ERBB4: variants seen among roughly 807,000 people sequenced by gnomAD.
ERBB4 encodes receptor tyrosine-protein kinase erbB-4.
ERBB4 carries 42 observed loss-of-function variants against 158.0 expected under a neutral mutation model. The ratio of observed to expected loss-of-function variants is 0.27; its 90% CI spans 0.21 to 0.34. The LOEUF (loss-of-function observed/expected upper bound fraction) is 0.34, where lower values mean the gene tolerates loss of function less well. Among genes scored for constraint, ERBB4 ranks in the 10% least tolerant of loss-of-function variants. The pLI is 1.00. For synonymous variants in ERBB4, 583 were observed against 558.7 expected (o/e 1.04, Z -0.61); for missense variants, 1,333 against 1,624.1 (o/e 0.82, Z 3.08).
chr2:212,074,443 T>C lies in ERBB4; in HGVS notation c.234+50309A>G, dbSNP rs544136248. ...AAGGGTAATTCTCAGGTTAATCCCA[T>C]ATTTATTTAACGTATTTAATAGAAG... On this transcript the variant is annotated intron_variant, in intron 2 of 27. Transcript: ENST00000342788. 2.6e-4 allele frequency among the ~76,000 whole-genome samples: 40 copies of C among 152,096 alleles called. No individual in the cohort carries two copies. In the South Asian group the frequency reaches 5.6e-3, roughly 21 times the overall value.
chr2:211,711,057 TACA>T (rs1290742644), intron 9 of ERBB4, among the ~76,000 whole-genome samples: 1 of 151,362 alleles, frequency 6.6e-6, no homozygotes, highest in Non-Finnish European at 1.5e-5. Context: ...TTAAGACAGA[TACA>T]ACAATTATGG....
chr2:212,470,974 T>C (rs771003168), intron 1 of ERBB4, among the ~76,000 whole-genome samples: 3 of 152,048 alleles, frequency 2.0e-5, no homozygotes, highest in Non-Finnish European at 4.4e-5. Context: ...CTAACCTAGA[T>C]GCTTTATAAA....
intron 3 of ERBB4, among the ~76,000 whole-genome samples, chr2:211,809,625 CT>C (rs1232188003): frequency 6.6e-6 from 1 of 152,082 alleles, no homozygotes; most frequent in Non-Finnish European, 1.5e-5. Context: ...TTTTGTTGAT[CT>C]TTTCCAAAAA....
At chr2:212,482,035 C>G (rs566420130) in intron 1 of ERBB4, among the ~76,000 whole-genome samples, 1 of 152,194 alleles carries the variant, frequency 6.6e-6, no homozygotes, top group Non-Finnish European at 1.5e-5. Flanking sequence ...CATCCCACTT[C>G]TCTATAAACA....
At chr2:211,750,601 C>A (rs764669201) in intron 5 of ERBB4, 38 bp downstream of exon 5, 1 of 1,559,990 alleles carries the variant, frequency 6.4e-7, no homozygotes, top group Admixed American at 1.7e-5. Context: ...ATTCCTTGAC[C>A]ACATCAAACC....
rs190129544 is a variant in ERBB4 at position 211,423,329 on chromosome 2, C to T, written c.2866+826G>A. Among the ~76,000 whole-genome samples the T allele has an allele frequency of 1.1e-4, 16 of 151,962 alleles. No individual in the cohort carries two copies. The South Asian group carries it at 3.3e-3, about 31-fold the overall frequency. ...TGTCATGAATATAAATCTGAGTAGA[C>T]CTGGGTCCAAAGTCTCTTATTAATA... On this transcript the variant is annotated intron_variant, in intron 23 of 27. Transcript: ENST00000342788.
At chr2:211,619,518 A>T (rs1218965225) in intron 18 of ERBB4, among the ~76,000 whole-genome samples, 1 of 152,128 alleles carries the variant, frequency 6.6e-6, no homozygotes, top group Non-Finnish European at 1.5e-5. Context: ...ACTACTGTCA[A>T]ATTCTACTTG....
rs970837553 is a variant in ERBB4 at position 211,697,420 on chromosome 2, A to C, written c.1489+4547T>G. Among the ~76,000 whole-genome samples the C allele has an allele frequency of 1.5e-4, 23 of 152,124 alleles. 1 individual carries two copies. The highest frequency in any genetic ancestry group is 5.6e-4 in the African/African-American group (23 of 41,404). The stretch of plus-strand genomic sequence containing the variant: ...CAAACAATTAAAAAGGAAAAGAACA[A>C]TCTAGTCACTTAACTATATAAAAAT... On this transcript the variant is annotated intron_variant, in intron 12 of 27. Coordinates refer to ENST00000342788, the MANE Select transcript of ERBB4 (RefSeq NM_005235.3).
At chr2:212,283,484 T>A (rs922012452) in intron 1 of ERBB4, among the ~76,000 whole-genome samples, 1 of 151,976 alleles carries the variant, frequency 6.6e-6, no homozygotes, top group Admixed American at 6.6e-5. Flanking sequence ...AATGCAAATA[T>A]CCTGAAATGT....
At chr2:211,730,448 C>A (rs1317836316) in intron 5 of ERBB4, among the ~76,000 whole-genome samples, 1 of 151,766 alleles carries the variant, frequency 6.6e-6, no homozygotes, top group East Asian at 1.9e-4. Flanking sequence ...CCTCCTCCTC[C>A]CCCATCTCCT....
intron 9 of ERBB4, among the ~76,000 whole-genome samples, chr2:211,710,524 G>A (rs931210269): frequency 2.6e-5 from 4 of 152,142 alleles, no homozygotes; most frequent in African/African-American, 9.7e-5. Context: ...CAGAAGGCCA[G>A]TGGGGACTAT....
intron 1 of ERBB4, among the ~76,000 whole-genome samples, chr2:212,534,637 A>G (rs1692939884): frequency 6.6e-6 from 1 of 152,212 alleles, no homozygotes; most frequent in Non-Finnish European, 1.5e-5. Flanking sequence ...CAAAAACAAT[A>G]TACTTAGTGG....
intron 1 of ERBB4, among the ~76,000 whole-genome samples, chr2:212,420,598 G>C (rs894122593): frequency 6.6e-6 from 1 of 152,038 alleles, no homozygotes. Context: ...TTTCAGAAAA[G>C]GTTTTTGCTT....
intron 1 of ERBB4, among the ~76,000 whole-genome samples, chr2:212,274,089 T>A (rs527861475): frequency 6.6e-6 from 1 of 151,978 alleles, no homozygotes; most frequent in South Asian, 2.1e-4. Context: ...AAAGAAAATG[T>A]TATTAAGAAA....
At chr2:212,523,745 A>G (rs1297886018) in intron 1 of ERBB4, among the ~76,000 whole-genome samples, 2 of 151,910 alleles carry the variant, frequency 1.3e-5, no homozygotes, top group Non-Finnish European at 2.9e-5. Flanking sequence ...GTTCTCAGAA[A>G]TCACAGAACT....
At chr2:212,232,802 G>A (rs1323603308) in intron 1 of ERBB4, among the ~76,000 whole-genome samples, 1 of 152,174 alleles carries the variant, frequency 6.6e-6, no homozygotes, top group African/African-American at 2.4e-5. Flanking sequence ...AGACATAGCA[G>A]TGCCTCCCTT....
chr2:211,583,593 T>C (rs766914807), intron 19 of ERBB4, among the ~76,000 whole-genome samples: 2 of 151,736 alleles, frequency 1.3e-5, no homozygotes, highest in African/African-American at 4.8e-5. Flanking sequence ...TTCAACAATA[T>C]ACCTATTAAA....
chr2:212,283,880 C>T (rs935527111), intron 1 of ERBB4, among the ~76,000 whole-genome samples: 3 of 151,984 alleles, frequency 2.0e-5, no homozygotes, highest in Non-Finnish European at 2.9e-5. Context: ...AATGAATCCA[C>T]AGTTGTTATT....
chr2:212,521,079 T>C (rs1692134180), intron 1 of ERBB4, among the ~76,000 whole-genome samples: 1 of 151,992 alleles, frequency 6.6e-6, no homozygotes, highest in Non-Finnish European at 1.5e-5. Flanking sequence ...CAAAAATACA[T>C]TCAGTCATAC....
Sources: gnomAD v4.1 joint callset for allele counts (sites outside exome capture counted in the v4.1 genomes callset) on GRCh38, gnomAD v4.1.1 for gene constraint, MANE v1.5 for transcripts, NCBI Gene and HGNC (gene_info 2026-07-23, HGNC 2026-07-21) for gene names.